Variants in PAPSS1 observed in about 807,000 individuals in gnomAD.
PAPSS1 encodes the protein bifunctional 3'-phosphoadenosine 5'-phosphosulfate synthase 1.
A neutral mutation model predicts 72.0 loss-of-function variants in PAPSS1; 50 were observed. That is an observed-to-expected ratio of 0.69 (90% confidence interval 0.55 to 0.88). The LOEUF is 0.88. Among genes scored for constraint, PAPSS1 ranks in the 40% least tolerant of loss-of-function variants. The pLI is 0.00. For synonymous variants in PAPSS1, 261 were observed against 263.6 expected (o/e 0.99, Z 0.09); for missense variants, 657 against 782.2 (o/e 0.84, Z 1.91).
rs199996870 is a variant in PAPSS1, at chr4:107,680,378, G to A, written c.669+1637C>T. On this transcript the variant is annotated intron_variant, in intron 5 of 11. Transcript: ENST00000265174. The stretch of plus-strand genomic sequence containing the variant: ...AAGAATTACATTAGACTTCTCATCA[G>A]AAATGAAGCAAGTTAAAAAAAAATG... Among the ~76,000 whole-genome samples, 11 of 147,516 alleles carry A rather than the reference G, an allele frequency of 7.5e-5. No homozygotes were observed. The East Asian group carries it at 1.9e-3, about 25-fold the overall frequency.
chr4:107,627,143 G>A (rs775533981), intron 11 of PAPSS1, among the ~76,000 whole-genome samples: 7 of 152,196 alleles, frequency 4.6e-5, no homozygotes, highest in Non-Finnish European at 1.0e-4. Context: ...GGTCCTGCGT[G>A]TGATTAAACC....
At chr4:107,655,817 T>C (rs17037970) in intron 7 of PAPSS1, among the ~76,000 whole-genome samples, 30 of 152,316 alleles carry the variant, frequency 2.0e-4, no homozygotes, top group African/African-American at 7.2e-4. Flanking sequence ...AAGGAGGTAG[T>C]CCACAAGACT....
chr4:107,665,654 A>G (rs1008876664), intron 5 of PAPSS1, among the ~76,000 whole-genome samples: 2 of 152,056 alleles, frequency 1.3e-5, no homozygotes, highest in African/African-American at 2.4e-5. Context: ...AATGACCCAC[A>G]CTCTACTATT....
intron 11 of PAPSS1, among the ~76,000 whole-genome samples, chr4:107,625,337 A>G (rs1726062779): frequency 6.6e-6 from 1 of 152,178 alleles, no homozygotes; most frequent in South Asian, 2.1e-4. Flanking sequence ...GCGTGGCCCT[A>G]AGCTAATCAC....
chr4:107,671,971 T>A (rs767147910), intron 5 of PAPSS1, among the ~76,000 whole-genome samples: 18 of 151,816 alleles, frequency 1.2e-4, no homozygotes, highest in Non-Finnish European at 2.5e-4. Flanking sequence ...TATGGCAAAT[T>A]TCAAGTTAAA....
intron 8 of PAPSS1, among the ~76,000 whole-genome samples, chr4:107,654,096 T>TA (rs1366668403): frequency 3.3e-5 from 5 of 152,126 alleles, no homozygotes; most frequent in African/African-American, 9.7e-5. Context: ...GAGGAGCTAT[T>TA]ACCCTCCAGG....
intron 5 of PAPSS1, among the ~76,000 whole-genome samples, chr4:107,671,179 G>T (rs919136754): frequency 6.6e-6 from 1 of 151,804 alleles, no homozygotes; most frequent in Non-Finnish European, 1.5e-5. Context: ...AATACAGTGC[G>T]GAATCCTGGA....
chr4:107,681,964 TGAGA>T (rs1381961479), intron 5 of PAPSS1, 47 bp downstream of exon 5: 1 of 888,862 alleles, frequency 1.1e-6, no homozygotes, highest in Non-Finnish European at 1.8e-6. Context: ...GGAAAGATTA[TGAGA>T]GAGATATAAT....
At chr4:107,710,129 A>T (rs2125941118) in intron 1 of PAPSS1, among the ~76,000 whole-genome samples, 1 of 152,198 alleles carries the variant, frequency 6.6e-6, no homozygotes, top group African/African-American at 2.4e-5. Flanking sequence ...GACATTAATG[A>T]CTCATTAAGG....
chr4:107,623,238 C>T (rs1560563382), intron 11 of PAPSS1, among the ~76,000 whole-genome samples: 1 of 152,202 alleles, frequency 6.6e-6, no homozygotes, highest in Non-Finnish European at 1.5e-5. Context: ...GTAATTCTAA[C>T]ATGTGAAGTC....
At chr4:107,654,564 T>C (rs902892012) in intron 8 of PAPSS1, 131 bp downstream of exon 8, 9 of 739,772 alleles carry the variant, frequency 1.2e-5, no homozygotes, top group African/African-American at 1.1e-4. Context: ...ATCACAATAA[T>C]CTAAGGTCCA....
At chr4:107,708,478 C>T (rs893851037) in intron 1 of PAPSS1, among the ~76,000 whole-genome samples, 4 of 152,182 alleles carry the variant, frequency 2.6e-5, no homozygotes, top group African/African-American at 7.2e-5. Flanking sequence ...TTCCAAGTTA[C>T]TTCACTCTTT....
rs776965324 is a variant in PAPSS1, at chr4:107,693,759, A to G, written c.411+12T>C. On this transcript the variant is annotated intron_variant, in intron 3 of 11. Coordinates refer to ENST00000265174, the MANE Select transcript of PAPSS1 (RefSeq NM_005443.5). ...ATGTAAGCAGAAAGGCAATGGCACA[A>G]AAACCACATACCTGAGTGTAAGGTG... The G allele has an allele frequency of 1.5e-5, 24 of 1,596,000 alleles. No homozygotes were observed. The highest frequency in any genetic ancestry group is 1.9e-5 in the Non-Finnish European group (22 of 1,163,804).
chr4:107,653,219 C>T (rs1034283462), intron 9 of PAPSS1, among the ~76,000 whole-genome samples: 2 of 151,834 alleles, frequency 1.3e-5, no homozygotes, highest in Admixed American at 6.6e-5. Context: ...TTCTATAGTT[C>T]CATTCAGCTT....
Position 107,614,220 on chromosome 4 carries a change from G to A in PAPSS1, c.*29C>T. 1 of 1,605,720 alleles carries A rather than the reference G, an allele frequency of 6.2e-7. No individual in the cohort carries two copies. Among genetic ancestry groups the A allele is most frequent in the Non-Finnish European group, 8.5e-7 (1 of 1,174,660 alleles). On this transcript the variant is annotated 3_prime_UTR_variant, in exon 12 of 12. Coordinates refer to ENST00000265174, the MANE Select transcript of PAPSS1 (RefSeq NM_005443.5). The stretch of plus-strand genomic sequence containing the variant: ...GGTCCCCTCTTGTTACTAGTAATGT[G>A]TCAAAGGTGGAGTGACTGGGTTAAC...
At chr4:107,674,488 C>G (rs1727582448) in intron 5 of PAPSS1, among the ~76,000 whole-genome samples, 1 of 152,144 alleles carries the variant, frequency 6.6e-6, no homozygotes, top group South Asian at 2.1e-4. Flanking sequence ...GCTAACTATC[C>G]TAAATATATA....
At chr4:107,624,486 T>C (rs1310478059) in intron 11 of PAPSS1, among the ~76,000 whole-genome samples, 2 of 152,104 alleles carry the variant, frequency 1.3e-5, no homozygotes, top group African/African-American at 2.4e-5. Flanking sequence ...TATTTGCAAA[T>C]AGTAAAGACT....
Position 107,644,961 on chromosome 4 carries a change from G to A in PAPSS1, c.1347C>T (p.Leu449=). 1 of 1,613,958 alleles carries A rather than the reference G, an allele frequency of 6.2e-7. No individual in the cohort carries two copies. The highest frequency in any genetic ancestry group is 8.5e-7 in the Non-Finnish European group (1 of 1,179,868). Residue 449 remains leucine (L), a synonymous_variant, in exon 10 of 12, where the codon CTC becomes CTT. Coordinates refer to ENST00000265174, the MANE Select transcript of PAPSS1 (RefSeq NM_005443.5). ...TCCAGCCACCCAGAGGGTGGAGGAG[G>A]AGGACAGGGCGCCGGTAGCCCCTCT... ...LLERGYRRPV[L]LLHPLGGWTK...
At chr4:107,719,823 G>T in intron 1 of PAPSS1, 27 of 1,271,362 alleles carry the variant, frequency 2.1e-5, no homozygotes, top group Non-Finnish European at 2.7e-5. Flanking sequence ...ACGGGTGAAG[G>T]ATTTTCCTGG....
Sources: gnomAD v4.1 joint callset for allele counts (sites outside exome capture counted in the v4.1 genomes callset) on GRCh38, gnomAD v4.1.1 for gene constraint, MANE v1.5 for transcripts, NCBI Gene and HGNC (gene_info 2026-07-23, HGNC 2026-07-21) for gene names.